The following ZNF557 variants were observed in gnomAD, a reference collection of about 807,000 sequenced individuals.
The protein encoded by ZNF557 is CTB-25J19.9.
A neutral mutation model predicts 21.2 loss-of-function variants in ZNF557; 19 were observed. The ratio of observed to expected loss-of-function variants is 0.90; its 90% CI spans 0.63 to 1.32. The LOEUF is 1.32. Among genes scored for constraint, ZNF557 ranks in the 40% most tolerant of loss-of-function variants. The probability of loss-of-function intolerance (pLI) is 0.00; values close to 1 mark genes in which losing one functional copy is unlikely to be tolerated. For missense variants in ZNF557, 487 were observed against 519.8 expected (o/e 0.94, Z 0.61); for synonymous variants, 207 against 194.8 (o/e 1.06, Z -0.52).
chr19:7,079,322 A>G (rs976835954), intron 5 of ZNF557, among the ~76,000 whole-genome samples: 8 of 148,548 alleles, frequency 5.4e-5, no homozygotes, highest in Non-Finnish European at 1.0e-4. Flanking sequence ...GCTAACTGCA[A>G]GCTCTGCCTC....
chr19:7,076,359 C>A (rs1281536743), intron 4 of ZNF557, 22 bp from the exon 5 acceptor site: 2 of 1,614,100 alleles, frequency 1.2e-6, no homozygotes, highest in Non-Finnish European at 1.7e-6. Flanking sequence ...TTGGCTAAGC[C>A]GTGATGTTTG....
At chr19:7,081,663 T>C (rs1403551045) in intron 6 of ZNF557, among the ~76,000 whole-genome samples, 1 of 152,188 alleles carries the variant, frequency 6.6e-6, no homozygotes, top group Non-Finnish European at 1.5e-5. Context: ...TACTTGGGCC[T>C]CAGGGGAGAA....
intron 4 of ZNF557, 116 bp from the exon 5 acceptor site, chr19:7,076,265 C>T: frequency 1.2e-6 from 2 of 1,602,682 alleles, no homozygotes; most frequent in South Asian, 2.2e-5. Flanking sequence ...GCTCAGAATC[C>T]CCCCACATCT....
chr19:7,075,871 G>A, intron 4 of ZNF557, 128 bp downstream of exon 4: 5 of 1,483,542 alleles, frequency 3.4e-6, no homozygotes, highest in Non-Finnish European at 4.5e-6. Flanking sequence ...TCTGAGTGAG[G>A]GCTGCCCAGA....
chr19:7,075,813 T>G, intron 4 of ZNF557, 70 bp downstream of exon 4: 1 of 1,580,352 alleles, frequency 6.3e-7, no homozygotes, highest in Non-Finnish European at 8.6e-7. Context: ...TGCCTTTCAG[T>G]GGCCTGGAGC....
rs1360924515 is a variant in ZNF557 at position 7,087,175 on chromosome 19, T to G, written c.*3431T>G. ...ATTTTCTTTTCATTCTTTTGGAAAG[T>G]GGACACAAAGCATAGAGTTAAAAGA... On this transcript the variant is annotated 3_prime_UTR_variant, in exon 8 of 8. Transcript: ENST00000252840. 7.2e-6 allele frequency: 1 copy of G among 139,426 alleles called. No individual in the cohort carries two copies. Among genetic ancestry groups the G allele is most frequent in the African/African-American group, 2.7e-5 (1 of 37,320 alleles). The allele number at this position is 139,426 out of a possible 1,614,324, so 8.6% of individuals were successfully genotyped here. A position where few individuals can be genotyped will look rare whatever the true frequency, so the allele number is the denominator to read the frequency against.
rs1248145918 is a variant in ZNF557, at chr19:7,083,165, C to T, written c.714C>T (p.Cys238=). The change falls in exon 8 of 8, where the codon TGC becomes TGT. Residue 238 remains cysteine, a synonymous_variant. Transcript: ENST00000252840. ...ACAATGGGGAGAAACCCTACGAATGCAGTGACTGTGGGAAAACCTTCAGCA... is the reference window on the plus strand; with the variant it reads ...ACAATGGGGAGAAACCCTACGAATGTAGTGACTGTGGGAAAACCTTCAGCA... The part of the protein sequence containing the change: ...RIHNGEKPYE[C]SDCGKTFSNS... 1.2e-6 allele frequency: 2 copies of T among 1,614,168 alleles called. No individual in the cohort carries two copies. The highest frequency in any genetic ancestry group is 2.2e-5 in the South Asian group (2 of 91,084).
Position 7,075,704 on chromosome 19 carries a change from C to G in ZNF557, c.81C>G (p.Gly27=). The G allele has an allele frequency of 6.2e-7, 1 of 1,613,580 alleles. No individual in the cohort carries two copies. Among genetic ancestry groups the G allele is most frequent in the South Asian group, 1.1e-5 (1 of 91,076 alleles). The change falls in exon 4 of 8, where the codon GGC becomes GGG. Residue 27 remains glycine, a synonymous_variant. Coordinates refer to ENST00000252840, the MANE Select transcript of ZNF557 (RefSeq NM_024341.3). Reference sequence around the variant, plus strand: ...CTCAGCGAGAAGGACACACAGAGGGCGGAGAGCTGGTTAATGAGCTCCTGA... The same window carrying G: ...CTCAGCGAGAAGGACACACAGAGGGGGGAGAGCTGGTTAATGAGCTCCTGA... ...PASQREGHTE[G]GELVNELLKS... is the part of the protein sequence containing the mutation.
chr19:7,076,754 A>G (rs1019072247), intron 5 of ZNF557, among the ~76,000 whole-genome samples: 27 of 152,044 alleles, frequency 1.8e-4, no homozygotes, highest in African/African-American at 6.3e-4. Flanking sequence ...CTCCCTCCTG[A>G]ACATCTTGGC....
rs745419305 is a variant in ZNF557 at position 7,082,903 on chromosome 19, T to C, written c.452T>C (p.Leu151Pro). ...GAGAGGAATCATCTTGGAGCAACACTCAACGAATGTAATCAGTGTTTTAAA... is the reference window on the plus strand; with the variant it reads ...GAGAGGAATCATCTTGGAGCAACACCCAACGAATGTAATCAGTGTTTTAAA... ...KMERNHLGAT[L>P]NECNQCFKVF... Residue 151 changes from leucine to proline, a missense_variant, in exon 8 of 8, where the codon CTC becomes CCC. Transcript: ENST00000252840. The C allele has an allele frequency of 6.3e-7, 1 of 1,595,748 alleles. No individual in the cohort carries two copies. The highest frequency in any genetic ancestry group is 1.7e-5 in the Admixed American group (1 of 57,798).
intron 4 of ZNF557, 79 bp downstream of exon 4, chr19:7,075,822 GC>G: frequency 6.4e-7 from 1 of 1,562,670 alleles, no homozygotes; most frequent in Non-Finnish European, 8.7e-7. Context: ...GTGGCCTGGA[GC>G]CCCACGGCCA....
At chr19:7,076,155 C>T (rs1272816011) in intron 4 of ZNF557, among the ~76,000 whole-genome samples, 1 of 152,170 alleles carries the variant, frequency 6.6e-6, no homozygotes, top group East Asian at 1.9e-4. Flanking sequence ...GACAGCTGCT[C>T]TGCGGTACTG....
chr19:7,074,419 C>T (rs1977531444), intron 2 of ZNF557, among the ~76,000 whole-genome samples: 1 of 151,014 alleles, frequency 6.6e-6, no homozygotes, highest in Non-Finnish European at 1.5e-5. Context: ...CTTTTTTTTC[C>T]CCTTAAATTT....
At position 7,086,775 on chromosome 19, in the gene ZNF557, C is replaced by G; in HGVS notation, c.*3031C>G. 1 of 151,924 alleles carries G rather than the reference C, an allele frequency of 6.6e-6. No homozygotes were observed. Among genetic ancestry groups the G allele is most frequent in the Admixed American group, 6.6e-5 (1 of 15,234 alleles). The allele number at this position is 151,924 out of a possible 1,614,324, so 9.4% of individuals were successfully genotyped here. On this transcript the variant is annotated 3_prime_UTR_variant, in exon 8 of 8. Transcript: ENST00000252840. ...GCGCCATGGCTCATGCCTGTAATCC[C>G]AGCACTTTGGGAGGCCGAGGCAGGC...
At chr19:7,076,541 G>T in intron 5 of ZNF557, 34 bp downstream of exon 5, 1 of 1,590,384 alleles carries the variant, frequency 6.3e-7, no homozygotes. Context: ...TTTATTTAAT[G>T]ACTCAGGAAG....
chr19:7,078,012 A>G (rs74725322), intron 5 of ZNF557, among the ~76,000 whole-genome samples: 43 of 152,136 alleles, frequency 2.8e-4, no homozygotes, highest in Admixed American at 4.6e-4. Context: ...CCTTTTCGTT[A>G]TTGAGTTGTA....
rs570996073 is a variant in ZNF557, at chr19:7,085,355, G to A, written c.*1611G>A. On this transcript the variant is annotated 3_prime_UTR_variant, in exon 8 of 8. Transcript: ENST00000252840. ...GCCTGTCTAGTTTTTGTAAAGATGG[G>A]GATTCACCATGTTTCCCAGGCTGCT... is the stretch of plus-strand genomic sequence containing the variant. 2 of 152,084 alleles carry A rather than the reference G, an allele frequency of 1.3e-5. No individual in the cohort carries two copies. Among genetic ancestry groups the A allele is most frequent in the East Asian group, 3.9e-4 (2 of 5,170 alleles). The allele number at this position is 152,084 out of a possible 1,614,324, so 9.4% of individuals were successfully genotyped here.
chr19:7,081,425 G>T lies in ZNF557; in HGVS notation c.313G>T (p.Glu105Ter). 1 of 1,613,878 alleles carries T rather than the reference G, an allele frequency of 6.2e-7. No homozygotes were observed. The highest frequency in any genetic ancestry group is 1.1e-5 in the South Asian group (1 of 91,014). Residue 105 changes from glutamate (E) to a stop codon, truncating the protein, a stop_gained, in exon 6 of 8, where the codon GAG becomes TAG. Transcript: ENST00000252840. LOFTEE classifies it high-confidence loss of function. The stretch of plus-strand genomic sequence containing the variant: ...GCAAGAAGATAAAGTGATGACAGAA[G>T]AGAGAGGAATTCTCTCAGGTACCTG... Reference protein sequence around the residue: ...LEQEDKVMTEERGILSGTCPD... With the variant: ...LEQEDKVMTE
At position 7,086,315 on chromosome 19, in the gene ZNF557, G is replaced by C. The variant is rs1011283352; in HGVS notation, c.*2571G>C. ...CAGAGTACATGGACTTTGTGATTTTGGTTGTTTTCTCTTTGTGTCCTAATA... is the reference window on the plus strand; with the variant it reads ...CAGAGTACATGGACTTTGTGATTTTCGTTGTTTTCTCTTTGTGTCCTAATA... On this transcript the variant is annotated 3_prime_UTR_variant, in exon 8 of 8. Transcript: ENST00000252840. 6.8e-5 allele frequency: 10 copies of C among 146,998 alleles called. No homozygotes were observed. Among genetic ancestry groups the C allele is most frequent in the African/African-American group, 2.5e-4 (10 of 40,014 alleles). 9.1% of individuals were successfully genotyped at this position (146,998 alleles called of 1,614,324 possible).
Sources: allele counts gnomAD v4.1 joint callset (sites outside exome capture counted in the v4.1 genomes callset), GRCh38; gene constraint gnomAD v4.1.1; transcripts MANE v1.5; gene names NCBI Gene and HGNC (gene_info 2026-07-23, HGNC 2026-07-21).